Variants in GPC5 observed in about 807,000 individuals in gnomAD.
The protein encoded by GPC5 is glypican-5.
Under a neutral mutation model 53.9 loss-of-function variants are expected in GPC5, and 47 were observed. The observed-to-expected ratio is 0.87, with a 90% CI of 0.69 to 1.11. The LOEUF is 1.11. Ranked by LOEUF, GPC5 falls within the 50% of genes most tolerant of loss-of-function variation. GPC5 has a pLI of 0.00. For missense variants in GPC5, 748 were observed against 713.1 expected (o/e 1.05, Z -0.56); for synonymous variants, 286 against 263.3 (o/e 1.09, Z -0.84).
chr13:91,839,958 A>G (rs1353203369), intron 5 of GPC5, among the ~76,000 whole-genome samples: 2 of 152,070 alleles, frequency 1.3e-5, no homozygotes, highest in African/African-American at 4.8e-5. Context: ...TTACTCTTCT[A>G]GATTCTTCTT....
intron 7 of GPC5, among the ~76,000 whole-genome samples, chr13:92,551,483 C>G (rs998704469): frequency 2.6e-5 from 4 of 151,696 alleles, no homozygotes; most frequent in Admixed American, 2.6e-4. Flanking sequence ...ATTTACTTTG[C>G]AAAAACAGAG....
chr13:92,064,383 C>T (rs2041148544), intron 6 of GPC5, among the ~76,000 whole-genome samples: 1 of 152,106 alleles, frequency 6.6e-6, no homozygotes, highest in Non-Finnish European at 1.5e-5. Context: ...GGGGTACAGG[C>T]TGGACATTTG....
chr13:92,577,304 A>C (rs1883217241), intron 7 of GPC5, among the ~76,000 whole-genome samples: 1 of 152,194 alleles, frequency 6.6e-6, no homozygotes, highest in Non-Finnish European at 1.5e-5. Context: ...ATCTCGCTTT[A>C]GTCCAGAGTT....
chr13:91,939,964 C>A (rs2039909688), intron 6 of GPC5, among the ~76,000 whole-genome samples: 1 of 152,104 alleles, frequency 6.6e-6, no homozygotes, highest in Non-Finnish European at 1.5e-5. Context: ...GACCTCCCAT[C>A]TTTTAATGCT....
intron 4 of GPC5, among the ~76,000 whole-genome samples, chr13:91,754,640 C>T (rs978098980): frequency 1.1e-4 from 16 of 152,126 alleles, no homozygotes; most frequent in Non-Finnish European, 4.4e-5. Context: ...AGTCACACAT[C>T]CTGCCATTCA....
chr13:91,493,826 G>A (rs973468597), intron 2 of GPC5, among the ~76,000 whole-genome samples: 4 of 151,918 alleles, frequency 2.6e-5, no homozygotes, highest in African/African-American at 9.7e-5. Flanking sequence ...ATCTGCAAAC[G>A]ATTCTACCCT....
chr13:92,283,912 A>T (rs1055003202), intron 7 of GPC5, among the ~76,000 whole-genome samples: 1 of 152,360 alleles, frequency 6.6e-6, no homozygotes, highest in Admixed American at 6.5e-5. Context: ...TGAAGGAGAT[A>T]GAGACACAAA....
At chr13:92,151,476 T>TA (rs1363272969) in intron 7 of GPC5, among the ~76,000 whole-genome samples, 4 of 152,150 alleles carry the variant, frequency 2.6e-5, no homozygotes, top group Non-Finnish European at 4.4e-5. Flanking sequence ...ACACCGTATA[T>TA]TAGCATTATA....
chr13:92,025,466 A>G (rs993781834), intron 6 of GPC5, among the ~76,000 whole-genome samples: 1 of 152,196 alleles, frequency 6.6e-6, no homozygotes, highest in East Asian at 1.9e-4. Flanking sequence ...TGATGGAGAA[A>G]GTCCATCAGC....
chr13:92,422,492 A>T (rs1462602386), intron 7 of GPC5, among the ~76,000 whole-genome samples: 5 of 57,184 alleles, frequency 8.7e-5, no homozygotes, highest in African/African-American at 1.7e-4. Context: ...ACCATCTCAC[A>T]CACACACACA....
intron 5 of GPC5, among the ~76,000 whole-genome samples, chr13:91,865,064 A>G (rs1168834983): frequency 1.3e-5 from 2 of 151,852 alleles, no homozygotes; most frequent in South Asian, 2.1e-4. Context: ...GGCATGTGAC[A>G]CCACACCCGG....
intron 7 of GPC5, among the ~76,000 whole-genome samples, chr13:92,625,640 G>A (rs1885023000): frequency 6.6e-6 from 1 of 152,180 alleles, no homozygotes; most frequent in South Asian, 2.1e-4. Flanking sequence ...TAGGACTTGG[G>A]AGGATATTCT....
chr13:92,168,452 G>T (rs1331875981), intron 7 of GPC5, among the ~76,000 whole-genome samples: 1 of 152,056 alleles, frequency 6.6e-6, no homozygotes, highest in African/African-American at 2.4e-5. Flanking sequence ...GACAAAGTTC[G>T]AATGTCCAAA....
chr13:92,097,612 C>T (rs1315209506), intron 6 of GPC5, among the ~76,000 whole-genome samples: 1 of 152,118 alleles, frequency 6.6e-6, no homozygotes, highest in African/African-American at 2.4e-5. Flanking sequence ...TGTGGACAAG[C>T]CTTTGCTCTA....
chr13:91,935,244 G>T (rs1371309112), intron 6 of GPC5, among the ~76,000 whole-genome samples: 3 of 151,942 alleles, frequency 2.0e-5, no homozygotes, highest in Admixed American at 1.3e-4. Flanking sequence ...AGGAGAGTGG[G>T]ACATATGGTA....
At chr13:92,233,731 A>C (rs2042548122) in intron 7 of GPC5, among the ~76,000 whole-genome samples, 2 of 152,180 alleles carry the variant, frequency 1.3e-5, no homozygotes, top group Admixed American at 6.5e-5. Flanking sequence ...ATATGTATAC[A>C]TGTGCCGTGT....
intron 7 of GPC5, among the ~76,000 whole-genome samples, chr13:92,386,135 C>T (rs1159563056): frequency 3.3e-5 from 5 of 151,660 alleles, no homozygotes; most frequent in East Asian, 1.9e-4. Context: ...AGTTATGGTC[C>T]GTGAAAAATC....
chr13:91,782,875 T>G (rs951347279), intron 5 of GPC5, among the ~76,000 whole-genome samples: 2 of 152,174 alleles, frequency 1.3e-5, no homozygotes, highest in Non-Finnish European at 2.9e-5. Flanking sequence ...CAGATGCCTT[T>G]CTTAAGGAAA....
chr13:92,487,360 C>T (rs1024895271), intron 7 of GPC5, among the ~76,000 whole-genome samples: 3 of 152,150 alleles, frequency 2.0e-5, no homozygotes, highest in East Asian at 1.9e-4. Flanking sequence ...ACAACTGTCA[C>T]TGGCACTGCC....
Sources: allele counts gnomAD v4.1 joint callset (sites outside exome capture counted in the v4.1 genomes callset), GRCh38; gene constraint gnomAD v4.1.1; transcripts MANE v1.5; gene names NCBI Gene and HGNC (gene_info 2026-07-23, HGNC 2026-07-21).